ZNF829: variants seen among roughly 807,000 people sequenced by gnomAD.
ZNF829 encodes the protein zinc finger protein 829.
Under a neutral mutation model 35.2 loss-of-function variants are expected in ZNF829, and 25 were observed. That is an observed-to-expected ratio of 0.71 (90% confidence interval 0.52 to 0.99). The LOEUF is 0.99. ZNF829 is among the 50% of genes least tolerant of loss of function. ZNF829 has a pLI of 0.00. For missense variants in ZNF829, 417 were observed against 515.3 expected, an observed-to-expected ratio of 0.81 and a Z score of 1.85; for synonymous variants, 136 against 163.2, an observed-to-expected ratio of 0.83 and a Z score of 1.27.
chr19:36,901,689 G>T, intron 5 of ZNF829: 2 of 375,970 alleles, frequency 5.3e-6, no homozygotes, highest in South Asian at 3.1e-5. Flanking sequence ...CTAGTAGTTT[G>T]AATGTGCTAG....
chr19:36,902,993 G>A (rs952833003), intron 5 of ZNF829, among the ~76,000 whole-genome samples: 2 of 150,998 alleles, frequency 1.3e-5, no homozygotes, highest in Non-Finnish European at 3.0e-5. Context: ...CCGAGATCAC[G>A]CCATTGCACT....
chr19:36,891,477 T>TTACTTTACTGTCATTCAACCA lies in ZNF829; in HGVS notation c.1293_*14dup, dbSNP rs774854458. On this transcript the variant is annotated 3_prime_UTR_variant, in exon 6 of 6. Transcript: ENST00000391711. ...TATTATAAAGGTTAACAAAATGGTC[T>TTACTTTACTGTCATTCAACCA]TACTTTACTGTCATTCAACCAGTAT... The TTACTTTACTGTCATTCAACCA allele has an allele frequency of 1.3e-6, 2 of 1,523,176 alleles. No homozygotes were observed. Among genetic ancestry groups the TTACTTTACTGTCATTCAACCA allele is most frequent in the Non-Finnish European group, 1.8e-6 (2 of 1,139,310 alleles). The allele number at this position is 1,523,176 out of a possible 1,614,324, so 94.4% of individuals were successfully genotyped here.
At chr19:36,904,402 T>C (rs2073197798) in intron 5 of ZNF829, among the ~76,000 whole-genome samples, 1 of 152,074 alleles carries the variant, frequency 6.6e-6, no homozygotes, top group Non-Finnish European at 1.5e-5. Context: ...GCTGTTTTTC[T>C]TTTTTCTCTT....
At chr19:36,908,985 A>G (rs917844377) in intron 3 of ZNF829, among the ~76,000 whole-genome samples, 1 of 152,208 alleles carries the variant, frequency 6.6e-6, no homozygotes, top group Admixed American at 6.5e-5. Flanking sequence ...AATCAAGACA[A>G]TTTTAAATCT....
chr19:36,895,870 TA>T (rs2073107045), intron 5 of ZNF829, among the ~76,000 whole-genome samples: 1 of 152,130 alleles, frequency 6.6e-6, no homozygotes, highest in African/African-American at 2.4e-5. Context: ...TTATTAGATC[TA>T]AAAAGAGAGA....
In ZNF829 at chr19:36,891,614, A is replaced by G; in HGVS notation, c.1177T>C (p.Ser393Pro). 1 of 1,613,704 alleles carries G rather than the reference A, an allele frequency of 6.2e-7. No individual in the cohort carries two copies. Among genetic ancestry groups the G allele is most frequent in the Non-Finnish European group, 8.5e-7 (1 of 1,179,888 alleles). ...NECGKAFNKG[S>P]NLTRHQRIHT... is the part of the protein sequence containing the mutation. ...ATTCTCTGATGTCGAGTAAGATTTGAGCCTTTATTAAAGGCCTTCCCACAT... is the reference window on the plus strand; with the variant it reads ...ATTCTCTGATGTCGAGTAAGATTTGGGCCTTTATTAAAGGCCTTCCCACAT... Residue 393 changes from serine to proline, a missense_variant, in exon 6 of 6, where the codon TCA becomes CCA. Physicochemically the swap from Ser to Pro is moderately conservative, Grantham distance 74. Transcript: ENST00000391711.
rs2073151722 is a variant in ZNF829, at chr19:36,900,148, ACACACACACACACACAC to A, written c.320-7694_320-7678del. Among the ~76,000 whole-genome samples the A allele has an allele frequency of 9.6e-3, 160 of 16,710 alleles. 2 individuals are homozygous for A. Among genetic ancestry groups the A allele is most frequent in the African/African-American group, 0.015 (158 of 10,894 alleles). 11.0% of individuals were successfully genotyped at this position (16,710 alleles called of 152,430 possible). On this transcript the variant is annotated intron_variant, in intron 5 of 5. Transcript: ENST00000391711. ...TGGTAAAACTCTGTCTCTACTAAAC[ACACACACACACACACAC>A]ACACACACACACACACACACACACA...
At chr19:36,893,630 T>C (rs1330291880) in intron 5 of ZNF829, among the ~76,000 whole-genome samples, 3 of 152,190 alleles carry the variant, frequency 2.0e-5, no homozygotes, top group African/African-American at 4.8e-5. Flanking sequence ...AAAAATGTCA[T>C]AGCAAAAACA....
intron 3 of ZNF829, 66 bp downstream of exon 3, chr19:36,914,899 C>G (rs1253271389): frequency 6.7e-7 from 1 of 1,496,036 alleles, no homozygotes; most frequent in Admixed American, 1.7e-5. Flanking sequence ...ATTATAGGGA[C>G]CTATAATTAA....
rs1262131775 is a variant in ZNF829 at position 36,915,746 on chromosome 19, G to GCCA, written c.-85+262_-85+264dup. 3.0e-6 allele frequency: 3 copies of GCCA among 988,196 alleles called. No individual in the cohort carries two copies. In the Admixed American group the frequency reaches 7.1e-5, roughly 23 times the overall value. The allele number at this position is 988,196 out of a possible 1,614,324, so 61.2% of individuals were successfully genotyped here. Reference sequence around the variant, plus strand: ...CGAGTAGCTGGGATTACAGGCGCGCGCCACCATGCCTAGCTAATTTTTGTA... The same window carrying GCCA: ...CGAGTAGCTGGGATTACAGGCGCGCGCCACCACCATGCCTAGCTAATTTTTGTA... On this transcript the variant is annotated intron_variant, in intron 1 of 5. Coordinates refer to ENST00000391711, the MANE Select transcript of ZNF829 (RefSeq NM_001037232.4).
chr19:36,902,068 A>G lies in ZNF829; in HGVS notation c.319+5861T>C, dbSNP rs2073171325. The G allele has an allele frequency of 2.3e-5, 12 of 522,800 alleles. No individual in the cohort carries two copies. The South Asian group carries it at 2.5e-4, about 11-fold the overall frequency. The allele number at this position is 522,800 out of a possible 1,614,324, so 32.4% of individuals were successfully genotyped here. On this transcript the variant is annotated intron_variant, in intron 5 of 5. Transcript: ENST00000391711. ...AACTCTATACTTTGGTTATCTATGT[A>G]TCTGTTACCACTTTCAAAAATCTAC...
rs115513922 is a variant in ZNF829, at chr19:36,904,312, G to A, written c.319+3617C>T. 8.8e-3 allele frequency among the ~76,000 whole-genome samples: 1,336 copies of A among 152,332 alleles called. 18 individuals are homozygous for A. Among genetic ancestry groups the A allele is most frequent in the African/African-American group, 0.028 (1,184 of 41,560 alleles). On this transcript the variant is annotated intron_variant, in intron 5 of 5. Transcript: ENST00000391711. ...GAAGGTAGGTATCAGAAGAATGAAA[G>A]TAAGAGTTGAAAATGTATTATCTTT...
At chr19:36,894,570 A>T (rs2073094024) in intron 5 of ZNF829, among the ~76,000 whole-genome samples, 1 of 152,114 alleles carries the variant, frequency 6.6e-6, no homozygotes, top group South Asian at 2.1e-4. Flanking sequence ...ACAATTCATG[A>T]TCTGAATGAG....
At chr19:36,898,657 C>T (rs1222581500) in intron 5 of ZNF829, among the ~76,000 whole-genome samples, 3 of 151,980 alleles carry the variant, frequency 2.0e-5, no homozygotes, top group Non-Finnish European at 4.4e-5. Context: ...AAAAATAGAC[C>T]CAAAGACCAA....
intron 3 of ZNF829, among the ~76,000 whole-genome samples, chr19:36,913,589 A>G (rs913758472): frequency 1.3e-5 from 2 of 152,188 alleles, no homozygotes; most frequent in Non-Finnish European, 2.9e-5. Context: ...TATCAACTCT[A>G]AAAACCAAAA....
At chr19:36,897,501 C>T (rs1048731476) in intron 5 of ZNF829, among the ~76,000 whole-genome samples, 3 of 152,112 alleles carry the variant, frequency 2.0e-5, no homozygotes, top group Admixed American at 6.6e-5. Context: ...TAAACTTCAA[C>T]GTCTCTTCAT....
At chr19:36,898,679 A>T (rs150227706) in intron 5 of ZNF829, among the ~76,000 whole-genome samples, 5 of 152,328 alleles carry the variant, frequency 3.3e-5, no homozygotes, top group Non-Finnish European at 7.3e-5. Context: ...GGAACAGAAG[A>T]GAGAACCCAC....
chr19:36,902,930 G>C (rs2146240003), intron 5 of ZNF829, among the ~76,000 whole-genome samples: 1 of 152,238 alleles, frequency 6.6e-6, no homozygotes, highest in Middle Eastern at 3.4e-3. Context: ...CAGCTACTTG[G>C]GAAGCTGAGG....
Position 36,890,095 on chromosome 19 carries a change from A to G in ZNF829, c.*1397T>C, listed in dbSNP as rs1284805434. 6.6e-6 allele frequency: 1 copy of G among 152,188 alleles called. No individual in the cohort carries two copies. The highest frequency in any genetic ancestry group is 6.5e-5 in the Admixed American group (1 of 15,276). 9.4% of individuals were successfully genotyped at this position (152,188 alleles called of 1,614,324 possible). A position where few individuals can be genotyped will look rare whatever the true frequency, so the allele number is the denominator to read the frequency against. ...TTTGAGAGTTCCTCTTGGTATTGAT[A>G]TCTAGTTTTATTCCACTATGGTCAG... On this transcript the variant is annotated 3_prime_UTR_variant, in exon 6 of 6. Transcript: ENST00000391711.
Sources: gnomAD v4.1 joint callset for allele counts (sites outside exome capture counted in the v4.1 genomes callset) on GRCh38, gnomAD v4.1.1 for gene constraint, MANE v1.5 for transcripts, NCBI Gene and HGNC (gene_info 2026-07-23, HGNC 2026-07-21) for gene names.